ANOS1: variants seen among roughly 807,000 people sequenced by gnomAD.
The protein encoded by ANOS1 is anosmin-1.
A neutral mutation model predicts 59.0 loss-of-function variants in ANOS1; 6 were observed. The ratio of observed to expected loss-of-function variants is 0.10; its 90% CI spans 0.06 to 0.20. The LOEUF (loss-of-function observed/expected upper bound fraction) is 0.20. ANOS1 is among the 10% of genes least tolerant of loss of function. ANOS1 has a pLI of 1.00. For missense variants in ANOS1, 433 were observed against 542.3 expected, an observed-to-expected ratio of 0.80 and a Z score of 2.00; for synonymous variants, 217 against 223.4, an observed-to-expected ratio of 0.97 and a Z score of 0.25.
At chrX:8,581,345 A>G (rs754444666) in intron 6 of ANOS1, among the ~76,000 whole-genome samples, 2 of 111,774 alleles carry the variant, frequency 1.8e-5, no homozygotes, top group East Asian at 5.6e-4. Context: ...GCCTCCCACC[A>G]TGATTCTGAG....
Position 8,568,234 on chromosome X carries a change from T to C in ANOS1, c.1205A>G (p.Asn402Ser). Residue 402 changes from asparagine to serine, a missense_variant and splice_region_variant, in exon 8 of 14, where the codon AAC becomes AGC. Coordinates refer to ENST00000262648, the MANE Select transcript of ANOS1 (RefSeq NM_000216.4). ...AAAAACATGACACAGTCACTTACTGTTGTTGGTTGCATGTGTCGATGTGAA... is the reference window on the plus strand; with the variant it reads ...AAAAACATGACACAGTCACTTACTGCTGTTGGTTGCATGTGTCGATGTGAA... ...LHFTSTHATN[N>S]KEQLVKTRKG... 2 of 1,209,981 alleles carry C rather than the reference T, an allele frequency of 1.7e-6. No individual in the cohort carries two copies. Among genetic ancestry groups the C allele is most frequent in the South Asian group, 3.5e-5 (2 of 56,781 alleles).
chrX:8,731,871 G>C lies in ANOS1; in HGVS notation c.166C>G (p.Leu56Val). 1 of 1,195,547 alleles carries C rather than the reference G, an allele frequency of 8.4e-7. No homozygotes were observed. Among genetic ancestry groups the C allele is most frequent in the Non-Finnish European group, 1.1e-6 (1 of 889,091 alleles). The change falls in exon 1 of 14, where the codon CTG becomes GTG. Residue 56 changes from leucine to valine, a missense_variant. Physicochemically the swap from Leu to Val is conservative, Grantham distance 32. Coordinates refer to ENST00000262648, the MANE Select transcript of ANOS1 (RefSeq NM_000216.4). Reference protein sequence around the residue: ...RARCASRCLSLQITRISAFFQ... With the variant: ...RARCASRCLSVQITRISAFFQ... ...AAGGCGGAGATGCGAGTGATCTGCA[G>C]GCTCAGGCACCTGGAGGCGCAGCGA... is the stretch of plus-strand genomic sequence containing the variant.
At chrX:8,718,551 T>C (rs1440195152) in intron 1 of ANOS1, among the ~76,000 whole-genome samples, 1 of 112,426 alleles carries the variant, frequency 8.9e-6, no homozygotes, top group East Asian at 2.8e-4. Context: ...TCTCATTCTA[T>C]CTGAAAGGAG....
Position 8,571,591 on chromosome X carries a change from C to T in ANOS1, c.857-887G>A, listed in dbSNP as rs1483117274. Among the ~76,000 whole-genome samples, 32 of 111,897 alleles carry T rather than the reference C, an allele frequency of 2.9e-4. No homozygotes were observed. The Admixed American group carries it at 3.0e-3, about 11-fold the overall frequency. ...ATAGCATTCATTTTTGTGATTGTACCATTTCTGGTTTGTCTTATTAACAAA... is the reference window on the plus strand; with the variant it reads ...ATAGCATTCATTTTTGTGATTGTACTATTTCTGGTTTGTCTTATTAACAAA... On this transcript the variant is annotated intron_variant, in intron 6 of 13. Coordinates refer to ENST00000262648, the MANE Select transcript of ANOS1 (RefSeq NM_000216.4).
intron 9 of ANOS1, among the ~76,000 whole-genome samples, chrX:8,543,051 A>T (rs1929713412): frequency 9.2e-6 from 1 of 108,563 alleles, no homozygotes. Flanking sequence ...GAGCTCCATA[A>T]CTATAAAGAT....
Position 8,535,103 on chromosome X carries a change from ATT to A in ANOS1, c.1842+486_1842+487del, listed in dbSNP as rs139686267. 744 of 94,799 alleles carry A rather than the reference ATT, an allele frequency of 7.8e-3. 4 individuals carry two copies. The highest frequency in any genetic ancestry group is 0.019 in the African/African-American group (488 of 25,388). 7.8% of individuals were successfully genotyped at this position (94,799 alleles called of 1,213,427 possible). On this transcript the variant is annotated intron_variant, in intron 12 of 13. Coordinates refer to ENST00000262648, the MANE Select transcript of ANOS1 (RefSeq NM_000216.4). ...CAGAGAGGGTAAAATCCCACACATG[ATT>A]TTTTTTTTTTTTTTTTGAAGCCAAG...
chrX:8,663,609 A>G (rs1907903977), intron 2 of ANOS1, among the ~76,000 whole-genome samples: 1 of 111,780 alleles, frequency 8.9e-6, no homozygotes, highest in African/African-American at 3.3e-5. Context: ...GCCTGCCCAG[A>G]ACAAAGCTTG....
rs761888308 is a variant in ANOS1 at position 8,539,773 on chromosome X, C to T, written c.1355-15G>A. 2 of 1,210,575 alleles carry T rather than the reference C, an allele frequency of 1.7e-6. No individual in the cohort carries two copies. The highest frequency in any genetic ancestry group is 5.9e-5 in the East Asian group (2 of 33,789). ...GACAGTGGGATCTATAATGCCAAAA[C>T]ACGCAAACAAAAATAATAGGCTGGA... On this transcript the variant is annotated splice_polypyrimidine_tract_variant and intron_variant, in intron 9 of 13. Coordinates refer to ENST00000262648, the MANE Select transcript of ANOS1 (RefSeq NM_000216.4).
intron 2 of ANOS1, among the ~76,000 whole-genome samples, chrX:8,657,855 G>A (rs1931960195): frequency 9.0e-6 from 1 of 111,070 alleles, no homozygotes; most frequent in Non-Finnish European, 1.9e-5. Flanking sequence ...AGTGAGGCAG[G>A]GGACAGAAGG....
intron 9 of ANOS1, among the ~76,000 whole-genome samples, chrX:8,547,780 G>A (rs1009096785): frequency 1.8e-5 from 2 of 111,398 alleles, no homozygotes; most frequent in Non-Finnish European, 3.8e-5. Flanking sequence ...TCAGTGGCGC[G>A]GTCTCGGCTC....
chrX:8,682,853 G>C (rs747081363), intron 2 of ANOS1, among the ~76,000 whole-genome samples: 1 of 111,588 alleles, frequency 9.0e-6, no homozygotes, highest in Non-Finnish European at 1.9e-5. Context: ...GTTAGATGGA[G>C]ACTCAATATA....
chrX:8,552,842 T>C (rs1209875938), intron 9 of ANOS1, among the ~76,000 whole-genome samples: 1 of 109,573 alleles, frequency 9.1e-6, no homozygotes, highest in Non-Finnish European at 1.9e-5. Context: ...AACTGTAATA[T>C]AGACATAATA....
At chrX:8,680,874 ACT>A (rs1932414648) in intron 2 of ANOS1, among the ~76,000 whole-genome samples, 1 of 111,710 alleles carries the variant, frequency 9.0e-6, no homozygotes, top group Non-Finnish European at 1.9e-5. Flanking sequence ...TGCAGGAAGA[ACT>A]CTCTGCCTTC....
chrX:8,585,795 G>A (rs916359954), intron 5 of ANOS1, among the ~76,000 whole-genome samples: 5 of 111,949 alleles, frequency 4.5e-5, no homozygotes, highest in African/African-American at 1.6e-4. Context: ...AAATATAACT[G>A]TAAAATAGGT....
intron 8 of ANOS1, among the ~76,000 whole-genome samples, chrX:8,558,187 G>A (rs745453852): frequency 9.0e-6 from 1 of 110,617 alleles, no homozygotes; most frequent in Non-Finnish European, 1.9e-5. Flanking sequence ...GGGGGGCAAG[G>A]GGAGGGACAG....
intron 2 of ANOS1, among the ~76,000 whole-genome samples, chrX:8,626,111 CAAAAAAAAA>C (rs138234272): frequency 0.042 from 1,030 of 24,499 alleles, 19 homozygotes; most frequent in South Asian, 0.087. Flanking sequence ...GACTCTGTCT[CAAAAAAAAA>C]AAAAAAAAAA....
intron 2 of ANOS1, among the ~76,000 whole-genome samples, chrX:8,633,825 A>G (rs2146853293): frequency 8.9e-6 from 1 of 112,179 alleles, no homozygotes; most frequent in South Asian, 3.8e-4. Context: ...ATTAGCCTCT[A>G]GTCTTCAAAA....
At chrX:8,607,846 TAACA>T (rs201194992) in intron 3 of ANOS1, among the ~76,000 whole-genome samples, 2,588 of 111,535 alleles carry the variant, frequency 0.023, 82 homozygotes, top group African/African-American at 0.08. Flanking sequence ...ACATGTTTAC[TAACA>T]AACAGGTAAA....
At chrX:8,617,134 C>T (rs963673370) in intron 3 of ANOS1, among the ~76,000 whole-genome samples, 1 of 112,067 alleles carries the variant, frequency 8.9e-6, no homozygotes, top group Non-Finnish European at 1.9e-5. Flanking sequence ...CTATGTGCTT[C>T]TCCTTTTCCA....
Sources: gnomAD v4.1 joint callset for allele counts (sites outside exome capture counted in the v4.1 genomes callset) on GRCh38, gnomAD v4.1.1 for gene constraint, MANE v1.5 for transcripts, NCBI Gene and HGNC (gene_info 2026-07-23, HGNC 2026-07-21) for gene names.